UBE2V1: variants seen among roughly 807,000 people sequenced by gnomAD.
UBE2V1 encodes the protein ubiquitin-conjugating enzyme E2 variant 1.
Under a neutral mutation model 19.6 loss-of-function variants are expected in UBE2V1, and 15 were observed. The observed-to-expected ratio is 0.77, with a 90% CI of 0.51 to 1.18. The LOEUF (loss-of-function observed/expected upper bound fraction) is 1.18, where lower values mean the gene tolerates loss of function less well. Ranked by LOEUF, UBE2V1 falls within the 50% of genes most tolerant of loss-of-function variation. The pLI is 0.00. For missense variants in UBE2V1, 125 were observed against 184.8 expected, an observed-to-expected ratio of 0.68 and a Z score of 1.88; for synonymous variants, 60 against 60.7, an observed-to-expected ratio of 0.99 and a Z score of 0.05.
chr20:50,094,301 A>G (rs1350755817), intron 2 of UBE2V1, among the ~76,000 whole-genome samples: 1 of 80,642 alleles, frequency 1.2e-5, no homozygotes, highest in Non-Finnish European at 2.4e-5. Flanking sequence ...ATATAATTAT[A>G]TATAATATAT....
chr20:50,083,581 T>C (rs930755812), intron 3 of UBE2V1, among the ~76,000 whole-genome samples: 34 of 152,204 alleles, frequency 2.2e-4, no homozygotes, highest in Non-Finnish European at 5.9e-5. Context: ...GATCTCCTCT[T>C]TGAACAGGAG....
At position 50,109,057 on chromosome 20, in the gene UBE2V1, T is replaced by C; in HGVS notation, c.22+4050A>G. The C allele has an allele frequency of 3.0e-6, 3 of 985,440 alleles. 1 individual carries two copies. In the South Asian group the frequency reaches 1.4e-4, roughly 46 times the overall value. The allele number at this position is 985,440 out of a possible 1,614,324, so 61.0% of individuals were successfully genotyped here. ...CCGAGCATCACCAGTCTCCCTTGGC[T>C]TTTGGCTCCTCCCTCAGTAATGTGG... On this transcript the variant is annotated intron_variant, in intron 1 of 3. Transcript: ENST00000371674.
intron 1 of UBE2V1, chr20:50,099,044 G>C: frequency 1.1e-6 from 1 of 894,138 alleles, no homozygotes; most frequent in Non-Finnish European, 1.3e-6. Flanking sequence ...TTCAGAAAGG[G>C]TTCAATCTAA....
intron 2 of UBE2V1, among the ~76,000 whole-genome samples, chr20:50,088,384 C>CA (rs1247103182): frequency 6.6e-6 from 1 of 152,060 alleles, no homozygotes; most frequent in Non-Finnish European, 1.5e-5. Flanking sequence ...ACAAATGTAC[C>CA]ATAATAACAT....
chr20:50,112,120 G>A (rs1180385943), intron 1 of UBE2V1, among the ~76,000 whole-genome samples: 1 of 152,194 alleles, frequency 6.6e-6, no homozygotes, highest in African/African-American at 2.4e-5. Flanking sequence ...CCACAGAAGA[G>A]ACACTTCTAG....
At position 50,082,732 on chromosome 20, in the gene UBE2V1, G is replaced by C. The variant is rs1194254182; in HGVS notation, c.*36C>G. 1.8e-5 allele frequency: 29 copies of C among 1,599,842 alleles called. No homozygotes were observed. Among genetic ancestry groups the C allele is most frequent in the Admixed American group, 1.2e-4 (7 of 58,828 alleles). ...AATGAAGACTGATTAAATCGAATTG[G>C]GGGGAAGGGGAAGGGCCTGTGGTTT... On this transcript the variant is annotated 3_prime_UTR_variant, in exon 4 of 4. Transcript: ENST00000371674.
chr20:50,097,569 G>A (rs2079707793), intron 1 of UBE2V1, among the ~76,000 whole-genome samples: 1 of 152,174 alleles, frequency 6.6e-6, no homozygotes, highest in African/African-American at 2.4e-5. Flanking sequence ...GGCCAGACAA[G>A]GGAGGGGGCT....
chr20:50,093,363 C>T (rs1294373176), intron 2 of UBE2V1, among the ~76,000 whole-genome samples: 1 of 152,160 alleles, frequency 6.6e-6, no homozygotes, highest in Non-Finnish European at 1.5e-5. Context: ...TATTTAGATG[C>T]TTTAATAATT....
chr20:50,102,307 T>C (rs568912071), intron 1 of UBE2V1, among the ~76,000 whole-genome samples: 1 of 152,214 alleles, frequency 6.6e-6, no homozygotes, highest in East Asian at 1.9e-4. Flanking sequence ...GTACTTCAGA[T>C]AAATACCTGT....
chr20:50,114,530 A>C (rs765993364), upstream of UBE2V1, among the ~76,000 whole-genome samples: 1 of 152,180 alleles, frequency 6.6e-6, no homozygotes, highest in Non-Finnish European at 1.5e-5. Flanking sequence ...TTACAAGTTG[A>C]GCGACCATAG....
intron 1 of UBE2V1, among the ~76,000 whole-genome samples, chr20:50,106,823 G>T (rs1290619616): frequency 1.4e-5 from 2 of 143,818 alleles, no homozygotes; most frequent in East Asian, 4.1e-4. Context: ...CAACAAGAGT[G>T]AAACTCTGTT....
chr20:50,105,942 A>C (rs1434404383), intron 1 of UBE2V1, among the ~76,000 whole-genome samples: 1 of 151,908 alleles, frequency 6.6e-6, no homozygotes, highest in Admixed American at 6.5e-5. Flanking sequence ...AAAAAACAAA[A>C]AAACAAAAAA....
At chr20:50,091,417 T>TC (rs1342909703) in intron 2 of UBE2V1, among the ~76,000 whole-genome samples, 60 of 149,196 alleles carry the variant, frequency 4.0e-4, no homozygotes, top group Middle Eastern at 3.4e-3. Context: ...AGGCTTTTTT[T>TC]TTTTTTTTTT....
intron 2 of UBE2V1, among the ~76,000 whole-genome samples, chr20:50,085,779 C>T (rs1355290552): frequency 6.6e-6 from 1 of 152,166 alleles, no homozygotes; most frequent in Non-Finnish European, 1.5e-5. Flanking sequence ...GAATTTCTAC[C>T]TACCCTCAAC....
intron 3 of UBE2V1, among the ~76,000 whole-genome samples, 175 bp from the exon 4 acceptor site, chr20:50,083,089 C>T (rs1029226664): frequency 6.6e-5 from 10 of 152,234 alleles, no homozygotes; most frequent in African/African-American, 2.4e-4. Context: ...TCCCTCCAGT[C>T]AGCCTGCCTT....
chr20:50,084,467 A>G (rs1258158779), intron 2 of UBE2V1: 3 of 815,908 alleles, frequency 3.7e-6, no homozygotes, highest in Non-Finnish European at 6.0e-6. Context: ...AAGAAGATGG[A>G]GCATTTAAGC....
intron 2 of UBE2V1, among the ~76,000 whole-genome samples, chr20:50,090,737 T>C (rs148485598): frequency 6.6e-6 from 1 of 152,338 alleles, no homozygotes; most frequent in East Asian, 1.9e-4. Context: ...GCATGGTGAC[T>C]ACAGTTAATA....
At chr20:50,103,559 C>A (rs965708340) in intron 1 of UBE2V1, among the ~76,000 whole-genome samples, 2 of 151,998 alleles carry the variant, frequency 1.3e-5, no homozygotes, top group African/African-American at 4.8e-5. Context: ...GCGCCTGCCA[C>A]CACGCCCAGC....
chr20:50,114,707 C>A (rs937188212), upstream of UBE2V1, among the ~76,000 whole-genome samples: 5 of 152,098 alleles, frequency 3.3e-5, no homozygotes, highest in Non-Finnish European at 5.9e-5. Flanking sequence ...TCAGATTTAA[C>A]GGGGCTTTCA....
Sources: gnomAD v4.1 joint callset for allele counts (sites outside exome capture counted in the v4.1 genomes callset) on GRCh38, gnomAD v4.1.1 for gene constraint, MANE v1.5 for transcripts, NCBI Gene and HGNC (gene_info 2026-07-23, HGNC 2026-07-21) for gene names.